Variants in IGSF21 observed in about 807,000 individuals in gnomAD.
IGSF21 encodes immunoglobin superfamily member 21.
IGSF21 carries 28 observed loss-of-function variants against 46.8 expected under a neutral mutation model. That is an observed-to-expected ratio of 0.60 (90% CI 0.44 to 0.82). The LOEUF is 0.82. Among genes scored for constraint, IGSF21 ranks in the 40% least tolerant of loss-of-function variants. IGSF21 has a pLI of 0.00. For synonymous variants in IGSF21, 284 were observed against 273.6 expected, an observed-to-expected ratio of 1.04 and a Z score of -0.38; for missense variants, 624 against 665.5, an observed-to-expected ratio of 0.94 and a Z score of 0.69.
intron 2 of IGSF21, among the ~76,000 whole-genome samples, chr1:18,262,085 G>A (rs1214540256): frequency 6.6e-6 from 1 of 152,172 alleles, no homozygotes; most frequent in Non-Finnish European, 1.5e-5. Context: ...CAGGTCTGGG[G>A]CGGGACTCAA....
chr1:18,260,380 T>A (rs543715174), intron 2 of IGSF21, among the ~76,000 whole-genome samples: 1 of 152,372 alleles, frequency 6.6e-6, no homozygotes, highest in East Asian at 1.9e-4. Context: ...CCGGGAGGGT[T>A]CTTGGCTTCA....
chr1:18,342,851 G>C (rs1399987476), intron 4 of IGSF21, among the ~76,000 whole-genome samples: 1 of 152,120 alleles, frequency 6.6e-6, no homozygotes, highest in Non-Finnish European at 1.5e-5. Context: ...TGGAAATCTG[G>C]GTTGTTTCCA....
rs551529589 is a variant in IGSF21, at chr1:18,164,909, A to G, written c.70+56711A>G. On this transcript the variant is annotated intron_variant, in intron 1 of 9. Transcript: ENST00000251296. ...CTCCCCCCACCCCACAACAGGCCCT[A>G]GTGTGTGATGTTCCCCTTCCTGTGT... Among the ~76,000 whole-genome samples the G allele has an allele frequency of 7.1e-4, 75 of 105,274 alleles. 1 individual carries two copies. The highest frequency in any genetic ancestry group is 2.8e-3 in the African/African-American group (73 of 26,246). 69.1% of individuals were successfully genotyped at this position (105,274 alleles called of 152,430 possible). A position where few individuals can be genotyped will look rare whatever the true frequency, so the allele number is the denominator to read the frequency against.
intron 1 of IGSF21, among the ~76,000 whole-genome samples, chr1:18,179,698 C>T (rs1224147153): frequency 6.6e-6 from 1 of 151,840 alleles, no homozygotes; most frequent in Non-Finnish European, 1.5e-5. Context: ...GAGGAGGGGT[C>T]GGCTTGGGGG....
At chr1:18,226,169 G>C (rs2084564333) in intron 1 of IGSF21, among the ~76,000 whole-genome samples, 1 of 152,202 alleles carries the variant, frequency 6.6e-6, no homozygotes, top group South Asian at 2.1e-4. Flanking sequence ...CTCCTTGTTT[G>C]TCATGCCCCA....
chr1:18,172,967 A>G (rs1212359154), intron 1 of IGSF21, among the ~76,000 whole-genome samples: 1 of 152,152 alleles, frequency 6.6e-6, no homozygotes, highest in Non-Finnish European at 1.5e-5. Flanking sequence ...GGGAAAGATA[A>G]TTAATATAAA....
rs1278058029 is a variant in IGSF21, at chr1:18,107,958, C to T, written c.-171C>T. ...CCGGAGCCGAGTCGAGCCGGGCGCC[C>T]GGGCTGCCTGGCCGCGGCGGCATGG... On this transcript the variant is annotated 5_prime_UTR_variant, in exon 1 of 10. Coordinates refer to ENST00000251296, the MANE Select transcript of IGSF21 (RefSeq NM_032880.5). 4 of 203,182 alleles carry T rather than the reference C, an allele frequency of 2.0e-5. No homozygotes were observed. The highest frequency in any genetic ancestry group is 9.4e-5 in the African/African-American group (4 of 42,366). The allele number at this position is 203,182 out of a possible 1,614,324, so 12.6% of individuals were successfully genotyped here.
chr1:18,144,878 T>G (rs1320856642), intron 1 of IGSF21, among the ~76,000 whole-genome samples: 4 of 152,104 alleles, frequency 2.6e-5, no homozygotes, highest in Admixed American at 2.6e-4. Flanking sequence ...TGCCACAACT[T>G]GACGATTGTG....
At chr1:18,346,512 C>T (rs76396484) in intron 4 of IGSF21, among the ~76,000 whole-genome samples, 2,101 of 152,038 alleles carry the variant, frequency 0.014, 48 homozygotes, top group African/African-American at 0.047. Context: ...ATGCAGTGGC[C>T]GGACATAAGA....
chr1:18,163,144 AC>A (rs1190310228), intron 1 of IGSF21, among the ~76,000 whole-genome samples: 19 of 152,180 alleles, frequency 1.2e-4, no homozygotes, highest in African/African-American at 4.3e-4. Flanking sequence ...TGGGGTTAAG[AC>A]CTTGGACAAA....
intron 1 of IGSF21, among the ~76,000 whole-genome samples, chr1:18,143,928 G>A (rs796680744): frequency 3.3e-5 from 5 of 152,196 alleles, no homozygotes; most frequent in African/African-American, 1.2e-4. Context: ...ACCGGGGCTG[G>A]AGCTATGACT....
At chr1:18,318,232 C>A (rs557125046) in intron 3 of IGSF21, among the ~76,000 whole-genome samples, 18 of 152,130 alleles carry the variant, frequency 1.2e-4, no homozygotes, top group African/African-American at 4.1e-4. Context: ...CCTGGCCCCC[C>A]GTCCCAAATT....
intron 1 of IGSF21, among the ~76,000 whole-genome samples, chr1:18,123,212 C>G (rs1015577898): frequency 6.6e-6 from 1 of 152,150 alleles, no homozygotes; most frequent in South Asian, 2.1e-4. Context: ...AAGGAACACC[C>G]CACCTATGCT....
Position 18,331,972 on chromosome 1 carries a change from A to G in IGSF21, c.306-2920A>G, listed in dbSNP as rs12562102. 1.6e-3 allele frequency among the ~76,000 whole-genome samples: 244 copies of G among 152,300 alleles called. 3 individuals carry two copies. The East Asian group carries it at 0.021, about 13-fold the overall frequency. On this transcript the variant is annotated intron_variant, in intron 3 of 9. Coordinates refer to ENST00000251296, the MANE Select transcript of IGSF21 (RefSeq NM_032880.5). ...TAGGGAACCTGGGCTTGCTCCTTCA[A>G]TCGATGGTAGAAGGAGCATCTGGGG... is the stretch of plus-strand genomic sequence containing the variant.
At chr1:18,154,820 C>T (rs1292719811) in intron 1 of IGSF21, among the ~76,000 whole-genome samples, 1 of 152,006 alleles carries the variant, frequency 6.6e-6, no homozygotes, top group Non-Finnish European at 1.5e-5. Context: ...TTCCTCCCTT[C>T]ATTTTCCTTT....
chr1:18,333,052 G>A (rs2124604744), intron 3 of IGSF21, among the ~76,000 whole-genome samples: 1 of 152,296 alleles, frequency 6.6e-6, no homozygotes, highest in South Asian at 2.1e-4. Flanking sequence ...AGGCTGAAGG[G>A]AGGATAAGAA....
At chr1:18,139,346 G>A (rs1252493675) in intron 1 of IGSF21, among the ~76,000 whole-genome samples, 2 of 147,356 alleles carry the variant, frequency 1.4e-5, no homozygotes, top group African/African-American at 2.5e-5. Flanking sequence ...TCAGGGTTCC[G>A]GGAGCTGTCT....
intron 1 of IGSF21, among the ~76,000 whole-genome samples, chr1:18,143,474 T>C (rs2124427294): frequency 6.6e-6 from 1 of 152,246 alleles, no homozygotes; most frequent in South Asian, 2.1e-4. Context: ...AGTCATAAAG[T>C]GCAAACTCCC....
chr1:18,178,782 C>T (rs2086829039), intron 1 of IGSF21, among the ~76,000 whole-genome samples: 2 of 151,972 alleles, frequency 1.3e-5, no homozygotes, highest in South Asian at 2.1e-4. Flanking sequence ...CAGGGTCTGG[C>T]CTCCCAGAGG....
Sources: allele counts gnomAD v4.1 joint callset (sites outside exome capture counted in the v4.1 genomes callset), GRCh38; gene constraint gnomAD v4.1.1; transcripts MANE v1.5; gene names NCBI Gene and HGNC (gene_info 2026-07-23, HGNC 2026-07-21).